The following CCSER1 variants were observed in gnomAD, a reference collection of about 807,000 sequenced individuals.
CCSER1 encodes the protein serine-rich coiled-coil domain-containing protein 1.
Under a neutral mutation model 82.0 loss-of-function variants are expected in CCSER1, and 41 were observed. The ratio of observed to expected loss-of-function variants is 0.50; its 90% CI spans 0.39 to 0.65. The LOEUF is 0.65. CCSER1 is among the 30% of genes least tolerant of loss of function. The pLI is 0.00. For missense variants in CCSER1, 1,119 were observed against 1,064.2 expected, an observed-to-expected ratio of 1.05 and a Z score of -0.72; for synonymous variants, 414 against 383.9, an observed-to-expected ratio of 1.08 and a Z score of -0.92.
chr4:91,081,827 A>G (rs1171226996), intron 9 of CCSER1, among the ~76,000 whole-genome samples: 7 of 152,190 alleles, frequency 4.6e-5, no homozygotes, highest in Admixed American at 3.3e-4. Context: ...CTTCCAAGAG[A>G]ATAAAATACC....
chr4:90,872,227 G>T (rs1166408349), intron 8 of CCSER1, among the ~76,000 whole-genome samples: 3 of 151,438 alleles, frequency 2.0e-5, no homozygotes, highest in African/African-American at 7.3e-5. Context: ...CAGTTATTTT[G>T]TATTTTTTCC....
chr4:90,623,900 T>A (rs760385780), intron 5 of CCSER1, among the ~76,000 whole-genome samples: 4 of 152,214 alleles, frequency 2.6e-5, no homozygotes, highest in Non-Finnish European at 4.4e-5. Flanking sequence ...TATAGATTTA[T>A]GTCATTGTGC....
chr4:90,936,182 T>C (rs1730907658), intron 9 of CCSER1, among the ~76,000 whole-genome samples: 1 of 152,114 alleles, frequency 6.6e-6, no homozygotes, highest in South Asian at 2.1e-4. Flanking sequence ...ATTTTGTTTC[T>C]AAAATGTAAT....
At chr4:90,660,244 G>A (rs1730512444) in intron 6 of CCSER1, among the ~76,000 whole-genome samples, 1 of 151,914 alleles carries the variant, frequency 6.6e-6, no homozygotes, top group East Asian at 1.9e-4. Flanking sequence ...CTTTATCACA[G>A]CACTATTCAC....
intron 1 of CCSER1, among the ~76,000 whole-genome samples, chr4:90,222,975 G>T (rs1267805285): frequency 1.3e-5 from 2 of 152,042 alleles, no homozygotes; most frequent in Non-Finnish European, 2.9e-5. Context: ...ATGTATATAT[G>T]TGTGTGTGTG....
At position 91,467,895 on chromosome 4, in the gene CCSER1, C is replaced by G. The variant is rs1488531746; in HGVS notation, c.2218-130677C>G. On this transcript the variant is annotated intron_variant, in intron 10 of 10. Coordinates refer to ENST00000509176, the MANE Select transcript of CCSER1 (RefSeq NM_001145065.2). The stretch of plus-strand genomic sequence containing the variant: ...GTGGAGAAATAGGAATGCTTTTACA[C>G]TTTTGGTGGGACTGTAAACTATTTC... Among the ~76,000 whole-genome samples the G allele has an allele frequency of 2.0e-5, 3 of 152,170 alleles. No homozygotes were observed. The East Asian group carries it at 5.8e-4, about 29-fold the overall frequency.
chr4:90,822,777 G>A (rs1334742246), intron 8 of CCSER1, among the ~76,000 whole-genome samples: 1 of 149,342 alleles, frequency 6.7e-6, no homozygotes, highest in African/African-American at 2.5e-5. Context: ...CAATTCAAAT[G>A]GGTCACCGGA....
At chr4:90,720,340 G>A (rs904516010) in intron 6 of CCSER1, among the ~76,000 whole-genome samples, 1 of 151,174 alleles carries the variant, frequency 6.6e-6, no homozygotes, top group African/African-American at 2.4e-5. Flanking sequence ...GTGTTAGTAA[G>A]GATATTTTAT....
At chr4:90,212,697 G>A (rs1291863558) in intron 1 of CCSER1, among the ~76,000 whole-genome samples, 3 of 152,230 alleles carry the variant, frequency 2.0e-5, no homozygotes, top group Non-Finnish European at 4.4e-5. Context: ...TATATTGTAT[G>A]TCTGATAATG....
chr4:90,742,167 G>A (rs1267940289), intron 7 of CCSER1, among the ~76,000 whole-genome samples: 3 of 152,054 alleles, frequency 2.0e-5, no homozygotes, highest in East Asian at 1.9e-4. Context: ...ACTCTGTCAC[G>A]AGAACAGCAG....
chr4:91,511,990 A>C (rs1415470061), intron 10 of CCSER1, among the ~76,000 whole-genome samples: 1 of 152,100 alleles, frequency 6.6e-6, no homozygotes, highest in African/African-American at 2.4e-5. Context: ...CTGATCTATA[A>C]TTACTTTTGG....
At chr4:91,087,339 A>T (rs368073278) in intron 10 of CCSER1, among the ~76,000 whole-genome samples, 1 of 152,120 alleles carries the variant, frequency 6.6e-6, no homozygotes, top group South Asian at 2.1e-4. Flanking sequence ...GCATTGCTAA[A>T]TGGTGCCAAA....
intron 3 of CCSER1, among the ~76,000 whole-genome samples, chr4:90,317,438 C>A (rs1286405737): frequency 2.0e-5 from 3 of 151,898 alleles, no homozygotes; most frequent in African/African-American, 7.3e-5. Flanking sequence ...ATGGTGAAAC[C>A]CCGTCTCTAT....
chr4:90,422,674 A>G (rs577459298), intron 4 of CCSER1, among the ~76,000 whole-genome samples: 1 of 152,202 alleles, frequency 6.6e-6, no homozygotes, highest in East Asian at 1.9e-4. Flanking sequence ...ACGAACAAAC[A>G]AAAAAACACC....
intron 8 of CCSER1, among the ~76,000 whole-genome samples, chr4:90,882,944 A>G (rs191007720): frequency 3.3e-5 from 5 of 152,228 alleles, no homozygotes; most frequent in African/African-American, 1.2e-4. Context: ...GTTTAGAGCA[A>G]TATTTATCAA....
At chr4:91,369,342 T>C (rs1396504396) in intron 10 of CCSER1, among the ~76,000 whole-genome samples, 12 of 152,218 alleles carry the variant, frequency 7.9e-5, no homozygotes, top group Admixed American at 7.9e-4. Context: ...TAATATCAGA[T>C]AAATATTTGT....
At chr4:91,103,584 A>G (rs1446401942) in intron 10 of CCSER1, among the ~76,000 whole-genome samples, 3 of 152,180 alleles carry the variant, frequency 2.0e-5, no homozygotes, top group African/African-American at 2.4e-5. Flanking sequence ...AGAGGAACAT[A>G]AATCATGATA....
At chr4:91,147,809 TAGG>T (rs1346209935) in intron 10 of CCSER1, among the ~76,000 whole-genome samples, 1 of 152,186 alleles carries the variant, frequency 6.6e-6, no homozygotes, top group African/African-American at 2.4e-5. Flanking sequence ...TACTGTCTGT[TAGG>T]AGAGAAAAAA....
intron 10 of CCSER1, among the ~76,000 whole-genome samples, chr4:91,379,183 C>G (rs971467971): frequency 7.9e-5 from 12 of 152,022 alleles, no homozygotes; most frequent in East Asian, 1.9e-4. Flanking sequence ...TTGCATCGAT[C>G]TTCATCAGGG....
Sources: allele counts gnomAD v4.1 joint callset (sites outside exome capture counted in the v4.1 genomes callset), GRCh38; gene constraint gnomAD v4.1.1; transcripts MANE v1.5; gene names NCBI Gene and HGNC (gene_info 2026-07-23, HGNC 2026-07-21).